Variants in HTR1E observed in about 807,000 individuals in gnomAD.
HTR1E encodes 5-HT-1E.
HTR1E carries 3 observed loss-of-function variants against 3.4 expected under a neutral mutation model. That is an observed-to-expected ratio of 0.89 (90% CI 0.41 to 2.31). The LOEUF is 2.31. HTR1E is among the 30% of genes most tolerant of loss of function. HTR1E has a pLI of 0.05. For missense variants in HTR1E, 392 were observed against 467.0 expected, an observed-to-expected ratio of 0.84 and a Z score of 1.48; for synonymous variants, 170 against 182.8, an observed-to-expected ratio of 0.93 and a Z score of 0.56.
At chr6:87,010,954 A>T (rs186171846) in intron 1 of HTR1E, among the ~76,000 whole-genome samples, 10 of 152,266 alleles carry the variant, frequency 6.6e-5, no homozygotes, top group African/African-American at 1.7e-4. Context: ...ATTTTTTTAC[A>T]GTTTGGATTC....
At chr6:86,958,035 G>A (rs1330825321) in intron 1 of HTR1E, among the ~76,000 whole-genome samples, 1 of 150,608 alleles carries the variant, frequency 6.6e-6, no homozygotes, top group Non-Finnish European at 1.5e-5. Flanking sequence ...CAGGAGGCAT[G>A]CATTCCTTGA....
chr6:87,009,771 G>A (rs1344324108), intron 1 of HTR1E, among the ~76,000 whole-genome samples: 12 of 133,506 alleles, frequency 9.0e-5, no homozygotes, highest in African/African-American at 2.5e-4. Flanking sequence ...GCGGCTGGCC[G>A]GGCAGGGGGG....
chr6:86,992,665 T>C (rs571361979), intron 1 of HTR1E, among the ~76,000 whole-genome samples: 1 of 152,294 alleles, frequency 6.6e-6, no homozygotes, highest in Admixed American at 6.5e-5. Context: ...TGAACAAATG[T>C]TTATTGAGTA....
chr6:87,009,052 T>C (rs1429200120), intron 1 of HTR1E, among the ~76,000 whole-genome samples: 2 of 149,330 alleles, frequency 1.3e-5, no homozygotes, highest in Non-Finnish European at 3.0e-5. Flanking sequence ...CACACTTCTT[T>C]TTATTTTTTT....
intron 1 of HTR1E, among the ~76,000 whole-genome samples, chr6:86,951,982 T>C (rs1767251096): frequency 6.6e-6 from 1 of 152,174 alleles, no homozygotes; most frequent in Non-Finnish European, 1.5e-5. Flanking sequence ...TCCTCACTGA[T>C]GTGAACTTTC....
intron 1 of HTR1E, among the ~76,000 whole-genome samples, chr6:86,975,165 A>G (rs1767612866): frequency 6.6e-6 from 1 of 152,212 alleles, no homozygotes; most frequent in Non-Finnish European, 1.5e-5. Flanking sequence ...TTACATCAAT[A>G]GTTATTATCT....
chr6:86,993,567 C>T (rs1305151527), intron 1 of HTR1E, among the ~76,000 whole-genome samples: 1 of 125,234 alleles, frequency 8.0e-6, no homozygotes, highest in African/African-American at 2.9e-5. Context: ...AAGCACTACC[C>T]AAAAAAAAAA....
intron 1 of HTR1E, among the ~76,000 whole-genome samples, chr6:87,008,395 A>T (rs115001237): frequency 0.016 from 2,479 of 152,276 alleles, 78 homozygotes; most frequent in African/African-American, 0.056. Flanking sequence ...TCCTGAAATA[A>T]TAAAAAAAAG....
chr6:87,003,955 G>A (rs1220359635), intron 1 of HTR1E, among the ~76,000 whole-genome samples: 3 of 152,086 alleles, frequency 2.0e-5, no homozygotes, highest in Non-Finnish European at 2.9e-5. Flanking sequence ...AAATTCAAAA[G>A]ATCGTTAGAG....
At chr6:87,007,005 G>A (rs1412953078) in intron 1 of HTR1E, among the ~76,000 whole-genome samples, 1 of 152,168 alleles carries the variant, frequency 6.6e-6, no homozygotes, top group African/African-American at 2.4e-5. Flanking sequence ...GGCTTGATAG[G>A]TGCAGCAAAT....
At chr6:86,992,557 C>T (rs1767883413) in intron 1 of HTR1E, among the ~76,000 whole-genome samples, 1 of 152,126 alleles carries the variant, frequency 6.6e-6, no homozygotes, top group South Asian at 2.1e-4. Flanking sequence ...AAGGGATGGA[C>T]TAAACATTCA....
intron 1 of HTR1E, among the ~76,000 whole-genome samples, chr6:87,008,183 A>G (rs888501965): frequency 1.3e-5 from 2 of 152,210 alleles, no homozygotes; most frequent in Non-Finnish European, 2.9e-5. Context: ...AAATAAATAA[A>G]AAAAGAAAAA....
intron 1 of HTR1E, among the ~76,000 whole-genome samples, chr6:86,997,265 TTCTC>T (rs1767953209): frequency 6.6e-6 from 1 of 151,918 alleles, no homozygotes. Flanking sequence ...ACTAAATGCT[TTCTC>T]TCTAAGATAG....
chr6:86,943,361 T>G (rs1768570272), intron 1 of HTR1E, among the ~76,000 whole-genome samples: 1 of 152,186 alleles, frequency 6.6e-6, no homozygotes, highest in African/African-American at 2.4e-5. Context: ...GCTTGCTGAA[T>G]GTACAGTGAG....
chr6:86,939,820 C>T (rs565401561), intron 1 of HTR1E, among the ~76,000 whole-genome samples: 12 of 152,292 alleles, frequency 7.9e-5, no homozygotes, highest in Admixed American at 3.3e-4. Flanking sequence ...TGCATGGAAA[C>T]GATGGCTCAT....
At chr6:86,964,509 A>G (rs1428241367) in intron 1 of HTR1E, among the ~76,000 whole-genome samples, 1 of 152,002 alleles carries the variant, frequency 6.6e-6, no homozygotes, top group Non-Finnish European at 1.5e-5. Flanking sequence ...GATATAGCAG[A>G]ACTGTCTGCA....
chr6:87,014,804 G>C (rs752840895), intron 1 of HTR1E, among the ~76,000 whole-genome samples: 55 of 152,230 alleles, frequency 3.6e-4, no homozygotes, highest in African/African-American at 6.0e-4. Context: ...GGGCCTGTTG[G>C]GGGGTGGAGG....
At chr6:87,010,108 G>A (rs1468584287) in intron 1 of HTR1E, among the ~76,000 whole-genome samples, 1 of 134,454 alleles carries the variant, frequency 7.4e-6, no homozygotes, top group Non-Finnish European at 1.6e-5. Flanking sequence ...CGGGCTGAGG[G>A]GCTCCTCACT....
intron 1 of HTR1E, among the ~76,000 whole-genome samples, chr6:86,977,153 C>A (rs1767650038): frequency 6.6e-6 from 1 of 152,038 alleles, no homozygotes; most frequent in South Asian, 2.1e-4. Context: ...AGCTTAGTAC[C>A]CAACAGGTAG....
Sources: allele counts gnomAD v4.1 joint callset (sites outside exome capture counted in the v4.1 genomes callset), GRCh38; gene constraint gnomAD v4.1.1; transcripts MANE v1.5; gene names NCBI Gene and HGNC (gene_info 2026-07-23, HGNC 2026-07-21).